Variants in HABP4 observed in about 807,000 individuals in gnomAD.
HABP4 encodes the protein hyaluronan binding protein 4.
HABP4 carries 32 observed loss-of-function variants against 44.1 expected under a neutral mutation model. The observed-to-expected ratio is 0.73, with a 90% CI of 0.55 to 0.97. The LOEUF is 0.97. HABP4 is among the 50% of genes least tolerant of loss of function. The pLI is 0.00. For synonymous variants in HABP4, 216 were observed against 218.0 expected (o/e 0.99, Z 0.08); for missense variants, 503 against 561.9 (o/e 0.90, Z 1.06).
intron 5 of HABP4, among the ~76,000 whole-genome samples, chr9:96,473,226 C>A (rs570616219): frequency 5.3e-5 from 8 of 152,220 alleles, no homozygotes; most frequent in Non-Finnish European, 1.2e-4. Context: ...GACACTTTCC[C>A]TGGGACATCC....
chr9:96,471,035 G>A lies in HABP4; in HGVS notation c.768G>A (p.Met256Ile), dbSNP rs1251938010. ...GTGATGTGGAGCCAACTGCACCGAT[G>A]GAGGAACCCACAGTGGTGGAGGAGT... is the stretch of plus-strand genomic sequence containing the variant. ...DTSDVEPTAP[M>I]EEPTVVEESQ... Residue 256 changes from methionine to isoleucine, a missense_variant, in exon 5 of 8, where the codon ATG becomes ATA. Physicochemically the swap from Met to Ile is conservative, Grantham distance 10 (BLOSUM62 1). This residue lies in a region of HABP4 where 131 missense variants were observed against 189.8 expected (regional missense o/e 0.69). Coordinates refer to ENST00000375249, the MANE Select transcript of HABP4 (RefSeq NM_014282.4). 6.2e-7 allele frequency: 1 copy of A among 1,607,914 alleles called. No homozygotes were observed. Among genetic ancestry groups the A allele is most frequent in the African/African-American group, 1.3e-5 (1 of 74,812 alleles).
Position 96,456,676 on chromosome 9 carries a change from C to T in HABP4, c.350-1703C>T, listed in dbSNP as rs551114808. On this transcript the variant is annotated intron_variant, in intron 1 of 7. Transcript: ENST00000375249. Reference sequence around the variant, plus strand: ...TGGGGAGGCTGAGGCAGGAGAATGGCGTGAACCCGGGAGGCGGTGCTTGCA... The same window carrying T: ...TGGGGAGGCTGAGGCAGGAGAATGGTGTGAACCCGGGAGGCGGTGCTTGCA... Among the ~76,000 whole-genome samples the T allele has an allele frequency of 4.1e-3, 591 of 145,796 alleles. 2 individuals carry two copies. Among genetic ancestry groups the T allele is most frequent in the Non-Finnish European group, 5.8e-3 (387 of 67,036 alleles).
chr9:96,450,151 G>C (rs537341442), upstream of HABP4: 5 of 979,682 alleles, frequency 5.1e-6, no homozygotes, highest in East Asian at 1.9e-4. The surrounding 1 kb of genome is among the most constrained non-coding windows in gnomAD (Gnocchi z 4.8). Context: ...GCGGGCGCCG[G>C]TAGGGGCCGG....
chr9:96,479,636 G>A (rs1019452207), intron 5 of HABP4, among the ~76,000 whole-genome samples: 3 of 151,658 alleles, frequency 2.0e-5, no homozygotes, highest in Admixed American at 6.6e-5. Flanking sequence ...TCAGCCTCCC[G>A]AGTAGCTGGG....
chr9:96,464,932 C>A lies in HABP4; in HGVS notation c.513-405C>A, dbSNP rs183103513. On this transcript the variant is annotated intron_variant, in intron 2 of 7. Coordinates refer to ENST00000375249, the MANE Select transcript of HABP4 (RefSeq NM_014282.4). Reference sequence around the variant, plus strand: ...GATTTGGTATTAGAACAGGAATGAACGTTAGAATTTATTTATCAACATTCT... The same window carrying A: ...GATTTGGTATTAGAACAGGAATGAAAGTTAGAATTTATTTATCAACATTCT... Among the ~76,000 whole-genome samples, 30 of 152,162 alleles carry A rather than the reference C, an allele frequency of 2.0e-4. No homozygotes were observed. In the East Asian group the frequency reaches 5.2e-3, roughly 26 times the overall value.
intron 2 of HABP4, among the ~76,000 whole-genome samples, chr9:96,462,039 G>T (rs531639697): frequency 6.6e-6 from 1 of 151,828 alleles, no homozygotes; most frequent in African/African-American, 2.4e-5. Flanking sequence ...CCAGCTACTC[G>T]GGAGGCTGAG....
At position 96,490,537 on chromosome 9, in the gene HABP4, G is replaced by A. The variant is rs938800227; in HGVS notation, c.*499G>A. On this transcript the variant is annotated 3_prime_UTR_variant, in exon 8 of 8. Coordinates refer to ENST00000375249, the MANE Select transcript of HABP4 (RefSeq NM_014282.4). ...CTTGTAAATGTTATCTTCTCTCCTG[G>A]AATATTTTGAGTTCTGGTTTTCACT... The A allele has an allele frequency of 6.6e-6, 1 of 152,450 alleles. No homozygotes were observed. Among genetic ancestry groups the A allele is most frequent in the Non-Finnish European group, 1.5e-5 (1 of 68,262 alleles). 9.4% of individuals were successfully genotyped at this position (152,450 alleles called of 1,614,324 possible).
Position 96,458,430 on chromosome 9 carries a change from G to A in HABP4, c.401G>A (p.Arg134His), listed in dbSNP as rs780353636. 13 of 1,613,750 alleles carry A rather than the reference G, an allele frequency of 8.1e-6. No homozygotes were observed. The Middle Eastern group carries it at 4.9e-4, about 61-fold the overall frequency. ...GAGCAGCAAGGATGGAATGACAGCCGTGGGCCGGAGGGGATGCTCGAAAGA... is the reference window on the plus strand; with the variant it reads ...GAGCAGCAAGGATGGAATGACAGCCATGGGCCGGAGGGGATGCTCGAAAGA... ...RGEQQGWNDS[R>H]GPEGMLERAE... Residue 134 changes from arginine to histidine, a missense_variant, in exon 2 of 8, where the codon CGT becomes CAT. Physicochemically the swap from Arg to His is conservative, Grantham distance 29. Transcript: ENST00000375249.
chr9:96,465,729 A>T lies in HABP4; in HGVS notation c.694A>T (p.Asn232Tyr), dbSNP rs1441261505. The T allele has an allele frequency of 6.2e-7, 1 of 1,604,296 alleles. No homozygotes were observed. Among genetic ancestry groups the T allele is most frequent in the Admixed American group, 1.7e-5 (1 of 60,008 alleles). The change falls in exon 4 of 8, where the codon AAC becomes TAC. Residue 232 changes from asparagine (N) to tyrosine (Y), a missense_variant. By Grantham distance (143) the Asn-to-Tyr change is moderately radical. Around this residue, in one of 3 missense-constraint regions of HABP4, gnomAD observed 131 missense variants for 189.8 expected, o/e 0.69. Transcript: ENST00000375249. Reference protein sequence around the residue: ...NDKIAVRTEDNMGGCGVRTWG... With the variant: ...NDKIAVRTEDYMGGCGVRTWG... Reference sequence around the variant, plus strand: ...CCGTAGAGCAGTCAGAACTGAAGACAACATGGGTGGATGTGGAGTTCGAAC... The same window carrying T: ...CCGTAGAGCAGTCAGAACTGAAGACTACATGGGTGGATGTGGAGTTCGAAC...
In HABP4 at chr9:96,488,223, C is replaced by T. The variant is rs146961411; in HGVS notation, c.1134C>T (p.Gly378=). The T allele has an allele frequency of 6.2e-7, 1 of 1,613,648 alleles. No individual in the cohort carries two copies. The highest frequency in any genetic ancestry group is 1.1e-5 in the South Asian group (1 of 91,068). ...GAGCCAGAGGAGGCACCCGGGGAGG[C>T]CGGGGAAGGATCAGGAGGGCAGAGA... ...GRGARGGTRG[G]RGRIRRAENY... The change falls in exon 7 of 8, where the codon GGC becomes GGT. Residue 378 remains glycine, a synonymous_variant. Transcript: ENST00000375249. This position sits in a 1 kb window ranked among gnomAD's most constrained non-coding sequence, Gnocchi z 4.6.
chr9:96,452,175 C>T (rs1050838459), intron 1 of HABP4, among the ~76,000 whole-genome samples: 2 of 147,580 alleles, frequency 1.4e-5, no homozygotes, highest in East Asian at 2.0e-4. Flanking sequence ...TGCAGTGAGC[C>T]GAGATCGAGC....
rs1255076452 is a variant in HABP4 at position 96,488,958 on chromosome 9, TACGCAGTGCC to T, written c.1185+695_1185+704del. 1.3e-5 allele frequency among the ~76,000 whole-genome samples: 2 copies of T among 152,264 alleles called. No individual in the cohort carries two copies. The highest frequency in any genetic ancestry group is 1.5e-5 in the Non-Finnish European group (1 of 68,006). ...CGGCTGCTTTTGCTCATTACCGGTT[TACGCAGTGCC>T]ACGCAGTGCCTGGCATGTAGTAGGT... On this transcript the variant is annotated intron_variant, in intron 7 of 7. Coordinates refer to ENST00000375249, the MANE Select transcript of HABP4 (RefSeq NM_014282.4). The surrounding 1 kb of genome is among the most constrained non-coding windows in gnomAD (Gnocchi z 4.6).
intron 5 of HABP4, among the ~76,000 whole-genome samples, chr9:96,481,089 T>G (rs1220217242): frequency 6.6e-6 from 1 of 152,176 alleles, no homozygotes; most frequent in Non-Finnish European, 1.5e-5. Flanking sequence ...ACTGTTTTGT[T>G]TTGTTTTGTT....
intron 7 of HABP4, 40 bp from the exon 8 acceptor site, chr9:96,489,942 A>T (rs755233832): frequency 8.1e-7 from 1 of 1,237,900 alleles, no homozygotes; most frequent in Non-Finnish European, 1.2e-6. Flanking sequence ...GGAATGGATG[A>T]AGGGGCAGTG....
At chr9:96,455,956 G>A (rs924969363) in intron 1 of HABP4, among the ~76,000 whole-genome samples, 9 of 152,102 alleles carry the variant, frequency 5.9e-5, no homozygotes, top group East Asian at 1.9e-4. Context: ...TTGGAAGGCC[G>A]AGGCAGGAGA....
chr9:96,475,707 G>A (rs1265141343), intron 5 of HABP4, among the ~76,000 whole-genome samples: 3 of 152,348 alleles, frequency 2.0e-5, no homozygotes, highest in East Asian at 3.9e-4. Flanking sequence ...GTTGGCCCTG[G>A]AAGGTAAGAG....
chr9:96,455,602 A>G (rs927117221), intron 1 of HABP4, among the ~76,000 whole-genome samples: 6 of 151,404 alleles, frequency 4.0e-5, no homozygotes, highest in Admixed American at 2.0e-4. Flanking sequence ...CATCTCTATT[A>G]AAACTACAAA....
At chr9:96,473,260 AC>A (rs1292540784) in intron 5 of HABP4, among the ~76,000 whole-genome samples, 2 of 152,260 alleles carry the variant, frequency 1.3e-5, no homozygotes, top group Non-Finnish European at 1.5e-5. Flanking sequence ...GCCCAGCCTG[AC>A]CGAGACTGAG....
intron 5 of HABP4, among the ~76,000 whole-genome samples, chr9:96,475,157 A>G (rs1832762437): frequency 6.6e-6 from 1 of 152,156 alleles, no homozygotes; most frequent in Non-Finnish European, 1.5e-5. Context: ...TGGGTGGATC[A>G]CAAGGTCAGG....
Sources: allele counts gnomAD v4.1 joint callset (sites outside exome capture counted in the v4.1 genomes callset), GRCh38; gene constraint gnomAD v4.1.1; regional missense constraint gnomAD v4.1.1; non-coding constraint Gnocchi (gnomAD v3.1); transcripts MANE v1.5; gene names NCBI Gene and HGNC (gene_info 2026-07-23, HGNC 2026-07-21).